Variants in FHIT observed in about 807,000 individuals in gnomAD.
The protein encoded by FHIT is bis(5'-adenosyl)-triphosphatase.
A neutral mutation model predicts 17.9 loss-of-function variants in FHIT; 19 were observed. The observed-to-expected ratio is 1.06, with a 90% CI of 0.74 to 1.56. The LOEUF (loss-of-function observed/expected upper bound fraction) is 1.56. Ranked by LOEUF, FHIT falls within the 40% of genes most tolerant of loss-of-function variation. The pLI, the probability that FHIT is intolerant of heterozygous loss-of-function variation, is 0.00. For synonymous variants in FHIT, 81 were observed against 69.7 expected (o/e 1.16, Z -0.81); for missense variants, 248 against 189.2 (o/e 1.31, Z -1.82).
chr3:59,854,676 T>G (rs922781506), intron 8 of FHIT, among the ~76,000 whole-genome samples: 2 of 152,182 alleles, frequency 1.3e-5, no homozygotes, highest in African/African-American at 4.8e-5. Context: ...GGGAATAGAA[T>G]TGTTTTTCAC....
intron 4 of FHIT, among the ~76,000 whole-genome samples, chr3:60,633,890 G>A (rs982607613): frequency 9.2e-5 from 14 of 152,190 alleles, no homozygotes; most frequent in Non-Finnish European, 1.9e-4. Context: ...GACCCACGGT[G>A]GTGTCCCAAC....
At chr3:61,048,314 G>A (rs1278998629) in intron 2 of FHIT, among the ~76,000 whole-genome samples, 13 of 152,162 alleles carry the variant, frequency 8.5e-5, no homozygotes, top group South Asian at 2.1e-4. Flanking sequence ...AAAAGTGGGT[G>A]AAGGATATGA....
chr3:60,873,056 T>C lies in FHIT; in HGVS notation c.-110-51045A>G, dbSNP rs144279795. ...GGTCTCTGAATGATGAAAAAACTTG[T>C]AGGGTAGCATGCCAACCAACTTGGG... On this transcript the variant is annotated intron_variant, in intron 3 of 9. Transcript: ENST00000492590. 4.0e-3 allele frequency among the ~76,000 whole-genome samples: 602 copies of C among 152,176 alleles called. 2 individuals carry two copies. The highest frequency in any genetic ancestry group is 0.014 in the African/African-American group (574 of 41,542).
intron 3 of FHIT, among the ~76,000 whole-genome samples, chr3:61,040,321 G>C (rs935483811): frequency 2.6e-5 from 4 of 152,198 alleles, no homozygotes; most frequent in Admixed American, 2.6e-4. Flanking sequence ...TTAAACATTG[G>C]ATTGAAAGTA....
At chr3:60,119,793 T>C (rs768195260) in intron 5 of FHIT, among the ~76,000 whole-genome samples, 4 of 152,162 alleles carry the variant, frequency 2.6e-5, no homozygotes, top group Non-Finnish European at 4.4e-5. Context: ...CCCTCCAGTG[T>C]AGCACTAATC....
chr3:60,139,632 G>A (rs1325923230), intron 5 of FHIT, among the ~76,000 whole-genome samples: 1 of 152,064 alleles, frequency 6.6e-6, no homozygotes, highest in East Asian at 1.9e-4. Flanking sequence ...GACTATGAGG[G>A]TGGGAGGTCA....
intron 5 of FHIT, among the ~76,000 whole-genome samples, chr3:60,023,944 A>G (rs745332972): frequency 6.6e-6 from 1 of 152,004 alleles, no homozygotes; most frequent in Non-Finnish European, 1.5e-5. Flanking sequence ...ACCAGTCCAG[A>G]CTCAACTTAC....
At position 60,549,265 on chromosome 3, in the gene FHIT, C is replaced by T. The variant is rs1314673925; in HGVS notation, c.-17-12286G>A. 3.3e-5 allele frequency among the ~76,000 whole-genome samples: 5 copies of T among 152,142 alleles called. No individual in the cohort carries two copies. The East Asian group carries it at 9.6e-4, about 29-fold the overall frequency. ...CATACTGCCATTAGGTGACTACTAT[C>T]TCTCCATATTAGAGGTAGAGCAGTG... On this transcript the variant is annotated intron_variant, in intron 4 of 9. Transcript: ENST00000492590.
At chr3:59,846,824 C>T (rs1158843257) in intron 8 of FHIT, among the ~76,000 whole-genome samples, 1 of 152,094 alleles carries the variant, frequency 6.6e-6, no homozygotes, top group Non-Finnish European at 1.5e-5. Flanking sequence ...CACTCCTTTA[C>T]TTCTTTTGCA....
At chr3:61,229,813 C>T (rs1310287860) in intron 1 of FHIT, among the ~76,000 whole-genome samples, 1 of 152,146 alleles carries the variant, frequency 6.6e-6, no homozygotes, top group African/African-American at 2.4e-5. Flanking sequence ...CAGTAGGGCT[C>T]TCTCTACTGG....
chr3:61,021,831 G>A (rs972338858), intron 3 of FHIT, among the ~76,000 whole-genome samples: 13 of 152,088 alleles, frequency 8.5e-5, no homozygotes, highest in Admixed American at 3.3e-4. Context: ...GAATCTCTGG[G>A]ACACAGCTAA....
intron 3 of FHIT, among the ~76,000 whole-genome samples, chr3:60,847,230 A>G (rs1230233509): frequency 1.3e-5 from 2 of 152,214 alleles, no homozygotes; most frequent in Non-Finnish European, 2.9e-5. Flanking sequence ...TCAGACCCAC[A>G]AACACATTGC....
intron 3 of FHIT, among the ~76,000 whole-genome samples, chr3:60,972,407 G>C (rs1294139612): frequency 6.6e-6 from 1 of 152,016 alleles, no homozygotes; most frequent in Admixed American, 6.6e-5. Flanking sequence ...TGTTTTCTTG[G>C]TTCCATTGTT....
At chr3:60,176,361 A>G (rs1433714085) in intron 5 of FHIT, among the ~76,000 whole-genome samples, 1 of 152,190 alleles carries the variant, frequency 6.6e-6, no homozygotes, top group African/African-American at 2.4e-5. Context: ...CAAAACAACA[A>G]CAACAACAAC....
At chr3:60,588,662 T>C (rs2037984400) in intron 4 of FHIT, among the ~76,000 whole-genome samples, 2 of 152,036 alleles carry the variant, frequency 1.3e-5, no homozygotes, top group South Asian at 4.1e-4. Flanking sequence ...AATTCATTTA[T>C]TTTTGAGACA....
chr3:61,218,205 T>C (rs2039739595), intron 1 of FHIT, among the ~76,000 whole-genome samples: 1 of 152,126 alleles, frequency 6.6e-6, no homozygotes, highest in Non-Finnish European at 1.5e-5. Context: ...CTAGGACTGA[T>C]CCGTGAGCAA....
At chr3:60,976,096 CTTTTTTTTT>C (rs869239307) in intron 3 of FHIT, among the ~76,000 whole-genome samples, 43 of 66,796 alleles carry the variant, frequency 6.4e-4, no homozygotes, top group Admixed American at 3.2e-3. Context: ...TTTTCTTTTT[CTTTTTTTTT>C]TTTTTTTTTT....
intron 4 of FHIT, chr3:60,690,566 A>T (rs957133179): frequency 1.8e-6 from 1 of 548,342 alleles, no homozygotes; most frequent in African/African-American, 1.9e-5. Flanking sequence ...CTGTGAAAGC[A>T]GTAACCCTCA....
At chr3:59,794,973 C>T (rs576910844) in intron 8 of FHIT, among the ~76,000 whole-genome samples, 1 of 152,310 alleles carries the variant, frequency 6.6e-6, no homozygotes, top group South Asian at 2.1e-4. Flanking sequence ...TCAGTTTCCT[C>T]ACCTGTAAAG....
Sources: allele counts gnomAD v4.1 joint callset (sites outside exome capture counted in the v4.1 genomes callset), GRCh38; gene constraint gnomAD v4.1.1; transcripts MANE v1.5; gene names NCBI Gene and HGNC (gene_info 2026-07-23, HGNC 2026-07-21).